Variants in PCDH15 observed in about 807,000 individuals in gnomAD.
The protein encoded by PCDH15 is protocadherin-15.
PCDH15 carries 129 observed loss-of-function variants against 178.5 expected under a neutral mutation model. The ratio of observed to expected loss-of-function variants is 0.72; its 90% CI spans 0.63 to 0.84. PCDH15 has a LOEUF of 0.84. Among genes scored for constraint, PCDH15 ranks in the 40% least tolerant of loss-of-function variants. The pLI is 0.00. For synonymous variants in PCDH15, 800 were observed against 732.0 expected, an observed-to-expected ratio of 1.09 and a Z score of -1.50; for missense variants, 2,230 against 2,099.9, an observed-to-expected ratio of 1.06 and a Z score of -1.21.
At chr10:54,073,554 AT>A (rs2094286754) in intron 17 of PCDH15, among the ~76,000 whole-genome samples, 1 of 152,128 alleles carries the variant, frequency 6.6e-6, no homozygotes, top group Admixed American at 6.6e-5. Context: ...AGGAAATAAT[AT>A]TGCTTCAAGA....
chr10:54,070,664 A>T (rs940504137), intron 17 of PCDH15, among the ~76,000 whole-genome samples: 2 of 152,004 alleles, frequency 1.3e-5, no homozygotes, highest in African/African-American at 4.8e-5. Flanking sequence ...ATCATAGCTC[A>T]CAGCAGCTTT....
At chr10:54,961,496 C>A (rs1838653985) in intron 2 of PCDH15, among the ~76,000 whole-genome samples, 1 of 152,216 alleles carries the variant, frequency 6.6e-6, no homozygotes, top group African/African-American at 2.4e-5. Flanking sequence ...GGCTAGGCTA[C>A]CAGTTCTGGA....
At chr10:55,042,878 G>A (rs555688689) in intron 2 of PCDH15, among the ~76,000 whole-genome samples, 2 of 152,150 alleles carry the variant, frequency 1.3e-5, no homozygotes, top group Admixed American at 6.5e-5. Context: ...ACTCCTGGAA[G>A]CCATATTTAA....
At chr10:53,977,324 A>T (rs539537911) in intron 21 of PCDH15, among the ~76,000 whole-genome samples, 2 of 43,464 alleles carry the variant, frequency 4.6e-5, no homozygotes, top group East Asian at 7.0e-4. Context: ...TGAAAGCTTT[A>T]AAAAAAATCA....
intron 2 of PCDH15, among the ~76,000 whole-genome samples, chr10:55,082,360 C>A (rs1428855923): frequency 1.3e-5 from 2 of 151,436 alleles, no homozygotes; most frequent in Admixed American, 6.6e-5. Flanking sequence ...AAAGTTTCTA[C>A]AAACAAAAAT....
chr10:54,545,544 A>T (rs968810550), intron 2 of PCDH15, among the ~76,000 whole-genome samples: 1 of 152,100 alleles, frequency 6.6e-6, no homozygotes, highest in Non-Finnish European at 1.5e-5. Flanking sequence ...ATATAAAGAA[A>T]GAAAGGAGAG....
chr10:55,012,877 T>C (rs1406535916), intron 2 of PCDH15, among the ~76,000 whole-genome samples: 1 of 152,154 alleles, frequency 6.6e-6, no homozygotes, highest in Non-Finnish European at 1.5e-5. Flanking sequence ...TATATGACTC[T>C]AGTCCAGACT....
intron 2 of PCDH15, among the ~76,000 whole-genome samples, chr10:55,573,415 T>C (rs2132112151): frequency 6.6e-6 from 1 of 152,202 alleles, no homozygotes; most frequent in Non-Finnish European, 1.5e-5. Flanking sequence ...AGATGAAGCT[T>C]CTTGAAACTT....
At chr10:55,036,921 A>G (rs902282051) in intron 2 of PCDH15, among the ~76,000 whole-genome samples, 1 of 152,174 alleles carries the variant, frequency 6.6e-6, no homozygotes, top group African/African-American at 2.4e-5. Flanking sequence ...GGAACTAGTT[A>G]CAGCAAGCTG....
chr10:54,331,935 A>G (rs534642994), intron 6 of PCDH15, among the ~76,000 whole-genome samples: 2 of 151,930 alleles, frequency 1.3e-5, no homozygotes, highest in Admixed American at 6.6e-5. Context: ...TAATGAAAAA[A>G]TTTCTCTTAA....
At chr10:54,648,230 A>G (rs559715874) in intron 2 of PCDH15, among the ~76,000 whole-genome samples, 1 of 152,258 alleles carries the variant, frequency 6.6e-6, no homozygotes, top group African/African-American at 2.4e-5. Flanking sequence ...CACCCAACCC[A>G]GTACATGAAA....
intron 2 of PCDH15, among the ~76,000 whole-genome samples, chr10:55,543,540 T>A (rs2132078842): frequency 6.6e-6 from 1 of 151,356 alleles, no homozygotes; most frequent in Non-Finnish European, 1.5e-5. Context: ...TCAGAAAAAA[T>A]TACCAAGGAT....
chr10:53,918,549 T>G (rs2083722168), intron 25 of PCDH15, among the ~76,000 whole-genome samples: 1 of 152,208 alleles, frequency 6.6e-6, no homozygotes, highest in African/African-American at 2.4e-5. Context: ...CAGTTGCCCC[T>G]TCTATATTTG....
At chr10:54,804,583 T>C (rs577707463), upstream of PCDH15, among the ~76,000 whole-genome samples, 57 of 152,244 alleles carry the variant, frequency 3.7e-4, no homozygotes, top group African/African-American at 1.3e-3. Context: ...TGAATATGTT[T>C]AGCAGATTTT....
At chr10:54,663,179 G>A (rs1031613971) in intron 2 of PCDH15, among the ~76,000 whole-genome samples, 31 of 151,992 alleles carry the variant, frequency 2.0e-4, no homozygotes, top group African/African-American at 7.5e-4. Context: ...GAAAAAGCCA[G>A]ACTAATTCAT....
At chr10:53,899,900 C>G (rs779359377) in intron 26 of PCDH15, among the ~76,000 whole-genome samples, 2 of 152,162 alleles carry the variant, frequency 1.3e-5, no homozygotes, top group Non-Finnish European at 2.9e-5. Context: ...CCCTTCCGCT[C>G]GTAAATCCCT....
At chr10:54,683,559 A>C (rs2094938162) in intron 1 of PCDH15, among the ~76,000 whole-genome samples, 1 of 152,100 alleles carries the variant, frequency 6.6e-6, no homozygotes. Context: ...TAGGAACCTT[A>C]AATACATGTT....
chr10:55,358,217 G>A (rs1049496120), intron 2 of PCDH15, among the ~76,000 whole-genome samples: 1 of 152,080 alleles, frequency 6.6e-6, no homozygotes, highest in Non-Finnish European at 1.5e-5. Flanking sequence ...ATGCAAAACA[G>A]TGAAATTTAG....
Position 54,394,394 on chromosome 10 carries a change from T to C in PCDH15, c.158-15452A>G, listed in dbSNP as rs1457585842. On this transcript the variant is annotated intron_variant, in intron 3 of 37. Coordinates refer to ENST00000644397, the MANE Select transcript of PCDH15 (RefSeq NM_001384140.1). ...GTACAAAAGAGAAAAATTTTAAACCTGGGCGTCCAGGGGAGACATCACATG... is the reference window on the plus strand; with the variant it reads ...GTACAAAAGAGAAAAATTTTAAACCCGGGCGTCCAGGGGAGACATCACATG... 3.3e-5 allele frequency among the ~76,000 whole-genome samples: 5 copies of C among 152,162 alleles called. No homozygotes were observed. The East Asian group carries it at 9.7e-4, about 29-fold the overall frequency.
Sources: gnomAD v4.1 joint callset for allele counts (sites outside exome capture counted in the v4.1 genomes callset) on GRCh38, gnomAD v4.1.1 for gene constraint, MANE v1.5 for transcripts, NCBI Gene and HGNC (gene_info 2026-07-23, HGNC 2026-07-21) for gene names.